The following CCDC50 variants were observed in gnomAD, a reference collection of about 807,000 sequenced individuals.
The protein encoded by CCDC50 is coiled-coil domain containing 50.
Under a neutral mutation model 70.2 loss-of-function variants are expected in CCDC50, and 54 were observed. The ratio of observed to expected loss-of-function variants is 0.77; its 90% confidence interval spans 0.62 to 0.96. The LOEUF is 0.96. CCDC50 is among the 50% of genes least tolerant of loss of function. The pLI, the probability that CCDC50 is intolerant of heterozygous loss-of-function variation, is 0.00. For missense variants in CCDC50, 558 were observed against 578.7 expected (o/e 0.96, Z 0.37); for synonymous variants, 216 against 198.8 (o/e 1.09, Z -0.73).
intron 9 of CCDC50, among the ~76,000 whole-genome samples, chr3:191,381,241 T>C (rs1001173091): frequency 3.3e-5 from 5 of 152,152 alleles, no homozygotes; most frequent in African/African-American, 1.2e-4. Context: ...TATAGAAGAA[T>C]ATAGCATTTT....
intron 10 of CCDC50, among the ~76,000 whole-genome samples, chr3:191,383,506 A>G (rs1275284965): frequency 1.3e-5 from 2 of 152,162 alleles, no homozygotes; most frequent in Non-Finnish European, 2.9e-5. Context: ...AAGACAAAAA[A>G]GTAACACTAA....
Position 191,329,712 on chromosome 3 carries a change from G to C in CCDC50, c.38G>C (p.Gly13Ala). Residue 13 changes from glycine (G) to alanine (A), a missense_variant, in exon 1 of 12, where the codon GGA becomes GCA. Gly to Ala is a moderately conservative substitution (Grantham distance 60). Coordinates refer to ENST00000392455, the MANE Select transcript of CCDC50 (RefSeq NM_178335.3). ...AGCATCGACCAGTCCAAGCTGCCTG[G>C]AGTCAAGGAAGGTAAGGGCCCCGGA... ...EVSIDQSKLPGVKEVCRDFAV... is the reference protein window; with the variant it reads ...EVSIDQSKLPAVKEVCRDFAV... The C allele has an allele frequency of 6.2e-7, 1 of 1,610,348 alleles. No individual in the cohort carries two copies. Among genetic ancestry groups the C allele is most frequent in the Non-Finnish European group, 8.5e-7 (1 of 1,178,806 alleles).
At chr3:191,364,966 G>C (rs1712630417) in intron 4 of CCDC50, among the ~76,000 whole-genome samples, 1 of 152,008 alleles carries the variant, frequency 6.6e-6, no homozygotes, top group Non-Finnish European at 1.5e-5. Context: ...TGTAGACTTT[G>C]GGTATACTGG....
chr3:191,385,684 ATTTG>A (rs1431251017), intron 10 of CCDC50, among the ~76,000 whole-genome samples: 1 of 106,142 alleles, frequency 9.4e-6, no homozygotes, highest in Non-Finnish European at 2.4e-5. Flanking sequence ...ATTTTGTTAT[ATTTG>A]TTTATTTGTT....
chr3:191,370,135 T>C (rs1712849523), intron 5 of CCDC50, 99 bp downstream of exon 5: 1 of 815,304 alleles, frequency 1.2e-6, no homozygotes, highest in Non-Finnish European at 2.1e-6. Context: ...CCTGGGACTG[T>C]TTCTCTTATC....
At chr3:191,388,948 A>G (rs2108676529) in intron 10 of CCDC50, among the ~76,000 whole-genome samples, 1 of 150,214 alleles carries the variant, frequency 6.7e-6, no homozygotes, top group East Asian at 2.0e-4. Context: ...ACATTTTTTG[A>G]CATAAAAAGT....
At chr3:191,352,121 T>C (rs1159521263) in intron 1 of CCDC50, among the ~76,000 whole-genome samples, 1 of 142,448 alleles carries the variant, frequency 7.0e-6, no homozygotes, top group Non-Finnish European at 1.6e-5. Flanking sequence ...AAGAATTTTC[T>C]TTAGTACAAC....
chr3:191,343,190 C>T (rs1711793094), intron 1 of CCDC50, among the ~76,000 whole-genome samples: 1 of 152,140 alleles, frequency 6.6e-6, no homozygotes, highest in African/African-American at 2.4e-5. Flanking sequence ...GAACCAGTCC[C>T]CCTCACGTAT....
intron 1 of CCDC50, among the ~76,000 whole-genome samples, chr3:191,341,622 C>T (rs751304802): frequency 3.3e-5 from 5 of 152,184 alleles, no homozygotes; most frequent in African/African-American, 4.8e-5. Context: ...CTTTTCTCTT[C>T]TCAGAGTGCT....
At chr3:191,365,269 T>C (rs1341016832) in intron 4 of CCDC50, among the ~76,000 whole-genome samples, 1 of 151,756 alleles carries the variant, frequency 6.6e-6, no homozygotes, top group Non-Finnish European at 1.5e-5. Context: ...ATAAACCTAG[T>C]AACCAATTCA....
intron 1 of CCDC50, among the ~76,000 whole-genome samples, chr3:191,343,218 C>G (rs896405030): frequency 7.9e-5 from 12 of 152,164 alleles, no homozygotes; most frequent in African/African-American, 2.2e-4. Context: ...GATGACTGTA[C>G]TTATGATGGC....
chr3:191,385,132 A>T (rs1713444073), intron 10 of CCDC50, among the ~76,000 whole-genome samples: 1 of 152,184 alleles, frequency 6.6e-6, no homozygotes, highest in African/African-American at 2.4e-5. Context: ...ATACGAGTTC[A>T]TGTGTCTTTT....
Position 191,375,427 on chromosome 3 carries a change from C to T in CCDC50, c.814C>T (p.Gln272Ter), listed in dbSNP as rs1449029396. Residue 272 changes from glutamine to a stop codon, truncating the protein, a stop_gained, in exon 6 of 12, where the codon CAA (glutamine) becomes TAA (stop). Transcript: ENST00000392455. LOFTEE classifies it high-confidence loss of function. ...AAATTGGGAAAAACAGTCTCGACACCAAGATCGACTTTCACCCAAGTCCTC... is the reference window on the plus strand; with the variant it reads ...AAATTGGGAAAAACAGTCTCGACACTAAGATCGACTTTCACCCAAGTCCTC... Reference protein sequence around the residue: ...TRNWEKQSRHQDRLSPKSSQK... With the variant: ...TRNWEKQSRH The T allele has an allele frequency of 1.2e-6, 2 of 1,613,722 alleles. No individual in the cohort carries two copies. Among genetic ancestry groups the T allele is most frequent in the Admixed American group, 1.7e-5 (1 of 59,940 alleles).
intron 5 of CCDC50, among the ~76,000 whole-genome samples, chr3:191,370,498 G>GT (rs1261900461): frequency 5.9e-5 from 8 of 135,502 alleles, no homozygotes; most frequent in Middle Eastern, 3.9e-3. Flanking sequence ...TTTTTTTTTT[G>GT]TTTTTTTTGA....
chr3:191,367,570 C>A (rs574178326), intron 4 of CCDC50, among the ~76,000 whole-genome samples: 1 of 152,226 alleles, frequency 6.6e-6, no homozygotes, highest in East Asian at 1.9e-4. Flanking sequence ...AACTTCAATT[C>A]TTTATCTGTA....
In CCDC50 at chr3:191,391,953, A is replaced by C; in HGVS notation, c.*193A>C. The C allele has an allele frequency of 1.6e-6, 1 of 611,668 alleles. No homozygotes were observed. The highest frequency in any genetic ancestry group is 2.9e-6 in the Non-Finnish European group (1 of 343,400). The allele number at this position is 611,668 out of a possible 1,614,324, so 37.9% of individuals were successfully genotyped here. On this transcript the variant is annotated 3_prime_UTR_variant, in exon 12 of 12. Coordinates refer to ENST00000392455, the MANE Select transcript of CCDC50 (RefSeq NM_178335.3). Reference sequence around the variant, plus strand: ...TATTCATGATCACTTGGGCAGTATAAGAAAATGTAGCTTCTGAATATTGGC... The same window carrying C: ...TATTCATGATCACTTGGGCAGTATACGAAAATGTAGCTTCTGAATATTGGC...
Position 191,379,969 on chromosome 3 carries a change from AT to A in CCDC50, c.977-188del, listed in dbSNP as rs1166078136. 3.3e-5 allele frequency among the ~76,000 whole-genome samples: 5 copies of A among 152,148 alleles called. No individual in the cohort carries two copies. In the South Asian group the frequency reaches 8.3e-4, roughly 25 times the overall value. Reference sequence around the variant, plus strand: ...TAGATATCTTTGTTTAAATGTATGCATTATCTACATTGCCACTTCCATTCCT... The same window carrying A: ...TAGATATCTTTGTTTAAATGTATGCATATCTACATTGCCACTTCCATTCCT... On this transcript the variant is annotated intron_variant, in intron 6 of 11. Transcript: ENST00000392455.
intron 6 of CCDC50, among the ~76,000 whole-genome samples, chr3:191,376,651 T>A (rs1713123725): frequency 6.6e-6 from 1 of 152,206 alleles, no homozygotes; most frequent in Admixed American, 6.6e-5. Context: ...GAAGCCATTC[T>A]GAGTAGCTGC....
chr3:191,372,330 A>G (rs1488287942), intron 5 of CCDC50, among the ~76,000 whole-genome samples: 1 of 152,168 alleles, frequency 6.6e-6, no homozygotes, highest in Non-Finnish European at 1.5e-5. Flanking sequence ...GTGTATGTAA[A>G]TACTGAAATT....
Sources: gnomAD v4.1 joint callset for allele counts (sites outside exome capture counted in the v4.1 genomes callset) on GRCh38, gnomAD v4.1.1 for gene constraint, MANE v1.5 for transcripts, NCBI Gene and HGNC (gene_info 2026-07-23, HGNC 2026-07-21) for gene names.